Variants in ZNF664 observed in about 807,000 individuals in gnomAD.
ZNF664 encodes the protein zinc finger Organ of Corti 1.
Under a neutral mutation model 18.2 loss-of-function variants are expected in ZNF664, and 10 were observed. That is an observed-to-expected ratio of 0.55 (90% CI 0.34 to 0.93). The LOEUF (loss-of-function observed/expected upper bound fraction) is 0.93. Ranked by LOEUF, ZNF664 falls within the 40% of genes least tolerant of loss-of-function variation. The pLI, the probability that ZNF664 is intolerant of heterozygous loss-of-function variation, is 0.02. For missense variants in ZNF664, 193 were observed against 319.0 expected, an observed-to-expected ratio of 0.61 and a Z score of 3.01; for synonymous variants, 119 against 104.2, an observed-to-expected ratio of 1.14 and a Z score of -0.86.
chr12:123,975,797 G>A (rs1956683714), intron 2 of ZNF664, among the ~76,000 whole-genome samples: 1 of 152,120 alleles, frequency 6.6e-6, no homozygotes, highest in African/African-American at 2.4e-5. Context: ...CTGAACACTA[G>A]ACAATACTCG....
chr12:124,011,741 TGTACAGTCC>T lies in ZNF664; in HGVS notation c.-403_-395del. On this transcript the variant is annotated 5_prime_UTR_variant, in exon 5 of 5. Transcript: ENST00000337815. ...TCATCCTTCGATACAGGGGATATAC[TGTACAGTCC>T]TTTTTCTAGAAGTGAGACATACAAG... 3.8e-6 allele frequency: 4 copies of T among 1,054,404 alleles called. No individual in the cohort carries two copies. The highest frequency in any genetic ancestry group is 4.6e-6 in the Non-Finnish European group (4 of 877,240). 65.3% of individuals were successfully genotyped at this position (1,054,404 alleles called of 1,614,324 possible). A position where few individuals can be genotyped will look rare whatever the true frequency, so the allele number is the denominator to read the frequency against.
At chr12:123,987,574 G>A (rs2138361629) in intron 2 of ZNF664, among the ~76,000 whole-genome samples, 1 of 152,222 alleles carries the variant, frequency 6.6e-6, no homozygotes, top group Middle Eastern at 3.4e-3. Context: ...AGGTTACACA[G>A]CAGGTATGCA....
At position 123,973,861 on chromosome 12, in the gene ZNF664, G is replaced by A. The variant is rs972429689; in HGVS notation, c.-891-25G>A. 4 of 1,231,700 alleles carry A rather than the reference G, an allele frequency of 3.2e-6. No homozygotes were observed. The African/African-American group carries it at 4.7e-5, about 14-fold the overall frequency. 76.3% of individuals were successfully genotyped at this position (1,231,700 alleles called of 1,614,324 possible). A position where few individuals can be genotyped will look rare whatever the true frequency, so the allele number is the denominator to read the frequency against. On this transcript the variant is annotated intron_variant, in intron 1 of 4. Coordinates refer to ENST00000337815, the MANE Select transcript of ZNF664 (RefSeq NM_152437.3). ...CCGGGCGGCTGCGGAGGAGCCGGCT[G>A]CATGGGGTGCTGTGTGTTTTTCAGG...
intron 3 of ZNF664, among the ~76,000 whole-genome samples, chr12:124,005,477 T>C (rs1057250734): frequency 2.3e-5 from 3 of 127,706 alleles, no homozygotes; most frequent in Non-Finnish European, 4.8e-5. Context: ...GATGATAATT[T>C]ATAGAATGTG....
intron 3 of ZNF664, among the ~76,000 whole-genome samples, chr12:123,999,146 C>G (rs1224486102): frequency 6.6e-6 from 1 of 152,140 alleles, no homozygotes; most frequent in Non-Finnish European, 1.5e-5. Flanking sequence ...GACACAATTG[C>G]CTGCTGTATG....
At chr12:123,975,320 C>T (rs899992824) in intron 2 of ZNF664, among the ~76,000 whole-genome samples, 1 of 151,446 alleles carries the variant, frequency 6.6e-6, no homozygotes, top group African/African-American at 2.4e-5. Flanking sequence ...TAATTTGTGA[C>T]TTTTTAAATT....
intron 3 of ZNF664, among the ~76,000 whole-genome samples, chr12:123,993,987 T>C (rs1956917818): frequency 6.6e-6 from 1 of 152,206 alleles, no homozygotes; most frequent in Non-Finnish European, 1.5e-5. Flanking sequence ...CCTTAGTGAA[T>C]TGTGCCAGAT....
chr12:123,978,287 C>T (rs1013100452), intron 2 of ZNF664, among the ~76,000 whole-genome samples: 1 of 152,136 alleles, frequency 6.6e-6, no homozygotes, highest in Non-Finnish European at 1.5e-5. Context: ...TGAAGATCCA[C>T]ACACAGGTGG....
chr12:123,973,243 G>A lies in ZNF664; in HGVS notation c.-1001G>A, dbSNP rs1029605638. ...CTGTCCCCCGGAGGCGTCTGGGTGT[G>A]CGGAGCGCGCGCGCGCGCGGCTCGG... On this transcript the variant is annotated 5_prime_UTR_variant, in exon 1 of 5. Transcript: ENST00000337815. 1.2e-5 allele frequency: 12 copies of A among 991,568 alleles called. No homozygotes were observed. The highest frequency in any genetic ancestry group is 6.2e-5 in the Admixed American group (1 of 16,178). 61.4% of individuals were successfully genotyped at this position (991,568 alleles called of 1,614,324 possible). A position where few individuals can be genotyped will look rare whatever the true frequency, so the allele number is the denominator to read the frequency against.
Position 124,012,955 on chromosome 12 carries a change from C to G in ZNF664, c.*25C>G, listed in dbSNP as rs374127692. ...AAACGTTTTGCTAAGAGTTTAAAATCTTAAAACCCATAAGTGCCACTAGGA... is the reference window on the plus strand; with the variant it reads ...AAACGTTTTGCTAAGAGTTTAAAATGTTAAAACCCATAAGTGCCACTAGGA... On this transcript the variant is annotated 3_prime_UTR_variant, in exon 5 of 5. Coordinates refer to ENST00000337815, the MANE Select transcript of ZNF664 (RefSeq NM_152437.3). 18 of 1,603,604 alleles carry G rather than the reference C, an allele frequency of 1.1e-5. No individual in the cohort carries two copies. The highest frequency in any genetic ancestry group is 1.5e-5 in the Non-Finnish European group (18 of 1,175,944).
At chr12:123,996,443 A>G (rs1037932862) in intron 3 of ZNF664, among the ~76,000 whole-genome samples, 2 of 152,156 alleles carry the variant, frequency 1.3e-5, no homozygotes, top group African/African-American at 4.8e-5. Flanking sequence ...GGAGATGCAT[A>G]ACAATTCAAG....
In ZNF664 at chr12:124,015,227, C is replaced by T. The variant is rs568432743; in HGVS notation, c.*2297C>T. ...TGAGAACATTAGGCTAAATGATTTC[C>T]GAGTTTCCAGCTAGTCCTAGAGTTC... On this transcript the variant is annotated 3_prime_UTR_variant, in exon 5 of 5. Transcript: ENST00000337815. 1.2e-5 allele frequency: 2 copies of T among 167,100 alleles called. No homozygotes were observed. Among genetic ancestry groups the T allele is most frequent in the African/African-American group, 2.4e-5 (1 of 41,556 alleles). The allele number at this position is 167,100 out of a possible 1,614,324, so 10.4% of individuals were successfully genotyped here. A position where few individuals can be genotyped will look rare whatever the true frequency, so the allele number is the denominator to read the frequency against.
chr12:123,979,056 T>C (rs746686873), intron 2 of ZNF664, among the ~76,000 whole-genome samples: 12 of 152,306 alleles, frequency 7.9e-5, no homozygotes, highest in Middle Eastern at 3.4e-3. Context: ...GAATTTGTTA[T>C]GTAGAAGGAT....
At chr12:124,006,364 T>G (rs1166630234) in intron 3 of ZNF664, 3 of 152,242 alleles carry the variant, frequency 2.0e-5, no homozygotes, top group African/African-American at 7.2e-5. Context: ...TGAGGAACTT[T>G]TGGTCTGAAC....
At chr12:123,977,794 A>C (rs1664395224) in intron 2 of ZNF664, among the ~76,000 whole-genome samples, 2 of 152,202 alleles carry the variant, frequency 1.3e-5, no homozygotes, top group African/African-American at 2.4e-5. Flanking sequence ...CATACAGGTC[A>C]ATGGAACTTA....
intron 2 of ZNF664, among the ~76,000 whole-genome samples, chr12:123,984,051 C>A (rs1345515461): frequency 6.6e-6 from 1 of 152,164 alleles, no homozygotes; most frequent in Non-Finnish European, 1.5e-5. Context: ...CCTCTGGAGG[C>A]CTTGTGAACA....
In ZNF664 at chr12:123,973,277, C is replaced by T. The variant is rs1956614657; in HGVS notation, c.-967C>T. Reference sequence around the variant, plus strand: ...GCGCGCGCGCGGCTCGGAGGCGCACCTGTGAGGTGTCCCTGAGGAGAGGGA... The same window carrying T: ...GCGCGCGCGCGGCTCGGAGGCGCACTTGTGAGGTGTCCCTGAGGAGAGGGA... On this transcript the variant is annotated 5_prime_UTR_variant, in exon 1 of 5. Coordinates refer to ENST00000337815, the MANE Select transcript of ZNF664 (RefSeq NM_152437.3). 1 of 1,006,800 alleles carries T rather than the reference C, an allele frequency of 9.9e-7. No individual in the cohort carries two copies. Among genetic ancestry groups the T allele is most frequent in the Non-Finnish European group, 1.2e-6 (1 of 847,628 alleles). The allele number at this position is 1,006,800 out of a possible 1,614,324, so 62.4% of individuals were successfully genotyped here. A position where few individuals can be genotyped will look rare whatever the true frequency, so the allele number is the denominator to read the frequency against.
At chr12:124,004,370 A>G in intron 3 of ZNF664, among the ~76,000 whole-genome samples, 1 of 152,244 alleles carries the variant, frequency 6.6e-6, no homozygotes, top group East Asian at 1.9e-4. Flanking sequence ...AAGGTTCCAT[A>G]GGATTAACAG....
chr12:123,994,032 T>A (rs1956918439), intron 3 of ZNF664, among the ~76,000 whole-genome samples: 1 of 152,156 alleles, frequency 6.6e-6, no homozygotes, highest in Admixed American at 6.5e-5. Flanking sequence ...AAGCATCTCT[T>A]TGGGAGAGTT....
Sources: allele counts gnomAD v4.1 joint callset (sites outside exome capture counted in the v4.1 genomes callset), GRCh38; gene constraint gnomAD v4.1.1; transcripts MANE v1.5; gene names NCBI Gene and HGNC (gene_info 2026-07-23, HGNC 2026-07-21).